The following ASPHD1 variants were observed in gnomAD, a reference collection of about 807,000 sequenced individuals.
ASPHD1 encodes the protein aspartate beta-hydroxylase domain-containing protein 1.
In ASPHD1, 20 loss-of-function variants were observed where a neutral mutation model predicts 28.3. The observed-to-expected ratio is 0.71, with a 90% CI of 0.50 to 1.03. The LOEUF (loss-of-function observed/expected upper bound fraction) is 1.03. ASPHD1 is among the 50% of genes least tolerant of loss of function. The probability of loss-of-function intolerance (pLI) is 0.00; values close to 1 mark genes in which losing one functional copy is unlikely to be tolerated. For synonymous variants in ASPHD1, 240 were observed against 221.2 expected (o/e 1.08, Z -0.75); for missense variants, 479 against 524.1 (o/e 0.91, Z 0.84).
chr16:29,902,882 T>C (rs938731036), intron 1 of ASPHD1, among the ~76,000 whole-genome samples: 1 of 108,240 alleles, frequency 9.2e-6, no homozygotes, highest in Admixed American at 8.7e-5. Context: ...TGAGATTTTT[T>C]CTTTTTCTTT....
At chr16:29,918,544 C>A (rs932579863) in intron 3 of ASPHD1, among the ~76,000 whole-genome samples, 1 of 152,184 alleles carries the variant, frequency 6.6e-6, no homozygotes, top group Admixed American at 6.5e-5. Flanking sequence ...AACCTTGACT[C>A]ACTGCAACCT....
chr16:29,911,045 T>C (rs2150834535), downstream of ASPHD1: 1 of 1,614,176 alleles, frequency 6.2e-7, no homozygotes, highest in Non-Finnish European at 8.5e-7. Flanking sequence ...TTTGCGGCCC[T>C]GCCCGTAGAA....
Position 29,901,591 on chromosome 16 carries a change from G to A in ASPHD1, c.620G>A (p.Arg207Gln). 3 of 1,543,424 alleles carry A rather than the reference G, an allele frequency of 1.9e-6. No individual in the cohort carries two copies. The highest frequency in any genetic ancestry group is 2.6e-6 in the Non-Finnish European group (3 of 1,153,616). Residue 207 changes from arginine (R) to glutamine (Q), a missense_variant, in exon 1 of 3, where the codon CGG becomes CAG. Coordinates refer to ENST00000308748, the MANE Select transcript of ASPHD1 (RefSeq NM_181718.4). This position sits in a 1 kb window ranked among gnomAD's most constrained non-coding sequence, Gnocchi z 5.1. ...SAPFVPRDAQ[R>Q]HDVELLESSF... ...CCCTTTGTGCCGCGGGACGCCCAGC[G>A]GCACGACGTGGAGCTCCTGGAGAGC... is the stretch of plus-strand genomic sequence containing the variant.
At chr16:29,902,889 C>T (rs4427827) in intron 1 of ASPHD1, among the ~76,000 whole-genome samples, 103,937 of 129,220 alleles carry the variant, frequency 0.8, 42,737 homozygotes, top group African/African-American at 0.95. Flanking sequence ...TTTTCTTTTT[C>T]TTTTTTTTTT....
At chr16:29,902,883 C>T (rs148991312) in intron 1 of ASPHD1, among the ~76,000 whole-genome samples, 38 of 107,508 alleles carry the variant, frequency 3.5e-4, no homozygotes, top group Middle Eastern at 6.5e-3. Context: ...GAGATTTTTT[C>T]TTTTTCTTTT....
chr16:29,909,679 T>C (rs1418118696), downstream of ASPHD1, among the ~76,000 whole-genome samples: 1 of 151,916 alleles, frequency 6.6e-6, no homozygotes, highest in Non-Finnish European at 1.5e-5. Context: ...TGGGCCTTTC[T>C]GAGTTTCCCT....
rs202045795 is a variant in ASPHD1 at position 29,911,101 on chromosome 16, T to C, written c.*62+5142T>C. The stretch of plus-strand genomic sequence containing the variant: ...CCCCCAGGACATCCTTGAGGAAGAG[T>C]AGCCGCCCGTGGAAGCGCAGGGCCA... On this transcript the variant is annotated intron_variant and NMD_transcript_variant, in intron 3 of 3. Coordinates refer to the ASPHD1 transcript ENST00000414952. The C allele has an allele frequency of 2.2e-5, 35 of 1,613,884 alleles. No individual in the cohort carries two copies. In the East Asian group the frequency reaches 6.7e-4, roughly 31 times the overall value.
At chr16:29,911,708 A>G in intron 3 of ASPHD1, 1 of 1,211,732 alleles carries the variant, frequency 8.3e-7, no homozygotes, top group Non-Finnish European at 1.2e-6. Context: ...GAGCAGGCAC[A>G]GATGTTCTTG....
At chr16:29,907,908 CAGGAACATCGTTAG>C (rs894982603), downstream of ASPHD1, among the ~76,000 whole-genome samples, 5 of 151,206 alleles carry the variant, frequency 3.3e-5, no homozygotes, top group African/African-American at 1.2e-4. Flanking sequence ...GAGGCTAAGG[CAGGAACATCGTTAG>C]AGCCCAGGAG....
chr16:29,900,626 G>T lies in ASPHD1; in HGVS notation c.-346G>T. 2.9e-6 allele frequency: 1 copy of T among 347,450 alleles called. No homozygotes were observed. The highest frequency in any genetic ancestry group is 3.4e-5 in the South Asian group (1 of 29,696). 21.5% of individuals were successfully genotyped at this position (347,450 alleles called of 1,614,324 possible). On this transcript the variant is annotated 5_prime_UTR_variant, in exon 1 of 3. Transcript: ENST00000308748. ...GAGGGAGCGAGAGCCAGGCAGGACC[G>T]CAGGGTCGGGGCTAGTGAGGAGCGA... is the stretch of plus-strand genomic sequence containing the variant.
At chr16:29,910,993 C>T, downstream of ASPHD1, 1 of 1,613,968 alleles carries the variant, frequency 6.2e-7, no homozygotes. Flanking sequence ...TCTGCTTCTT[C>T]TCCGTAGCAT....
intron 3 of ASPHD1, chr16:29,913,725 T>C (rs1230217163): frequency 6.6e-6 from 1 of 152,200 alleles, no homozygotes; most frequent in Non-Finnish European, 1.5e-5. Context: ...AAACAACAAA[T>C]CCCTGCCATG....
chr16:29,919,118 G>A (rs2150842373), intron 3 of ASPHD1, among the ~76,000 whole-genome samples: 1 of 152,294 alleles, frequency 6.6e-6, no homozygotes, highest in East Asian at 1.9e-4. Context: ...AAAATCTACA[G>A]TCTGGTTTAC....
chr16:29,911,967 G>A (rs770836029), intron 3 of ASPHD1: 2 of 1,611,632 alleles, frequency 1.2e-6, no homozygotes, highest in Admixed American at 1.7e-5. Flanking sequence ...CACCTTGGAG[G>A]TGCTGGCCAG....
chr16:29,908,606 G>A (rs1336960559), downstream of ASPHD1, among the ~76,000 whole-genome samples: 3 of 151,286 alleles, frequency 2.0e-5, no homozygotes, highest in Non-Finnish European at 2.9e-5. Flanking sequence ...GGCTGGTCTC[G>A]AACTCCTGAC....
intron 3 of ASPHD1, among the ~76,000 whole-genome samples, chr16:29,919,044 T>C (rs1404870875): frequency 6.6e-6 from 1 of 152,206 alleles, no homozygotes; most frequent in Non-Finnish European, 1.5e-5. Flanking sequence ...TCCACCTGCC[T>C]TGGCCTCCCA....
intron 1 of ASPHD1, 131 bp downstream of exon 1, chr16:29,902,051 C>A: frequency 1.5e-6 from 1 of 668,682 alleles, no homozygotes; most frequent in Non-Finnish European, 2.2e-6. Flanking sequence ...CTGTTGCCAC[C>A]CACAGCAGCA....
intron 3 of ASPHD1, among the ~76,000 whole-genome samples, chr16:29,916,826 T>C (rs1395334717): frequency 6.6e-6 from 1 of 152,240 alleles, no homozygotes; most frequent in Non-Finnish European, 1.5e-5. Context: ...GGATTTTGGC[T>C]AGGGCTGCAG....
intron 3 of ASPHD1, among the ~76,000 whole-genome samples, chr16:29,918,642 T>C (rs2068852198): frequency 6.6e-6 from 1 of 151,868 alleles, no homozygotes; most frequent in Admixed American, 6.6e-5. Flanking sequence ...AGCTAATTTT[T>C]GTAATTTTTT....
Sources: allele counts gnomAD v4.1 joint callset (sites outside exome capture counted in the v4.1 genomes callset), GRCh38; gene constraint gnomAD v4.1.1; non-coding constraint Gnocchi (gnomAD v3.1); transcripts MANE v1.5; gene names NCBI Gene and HGNC (gene_info 2026-07-23, HGNC 2026-07-21).